Variants in DCLK1 observed in about 807,000 individuals in gnomAD.
DCLK1 encodes serine/threonine-protein kinase DCLK1.
In DCLK1, 16 loss-of-function variants were observed where a neutral mutation model predicts 86.2. The observed-to-expected ratio is 0.19, with a 90% confidence interval of 0.13 to 0.28. The LOEUF (loss-of-function observed/expected upper bound fraction) is 0.28. Among genes scored for constraint, DCLK1 ranks in the 10% least tolerant of loss-of-function variants. The probability of loss-of-function intolerance (pLI) is 1.00; values close to 1 mark genes in which losing one functional copy is unlikely to be tolerated. For synonymous variants in DCLK1, 369 were observed against 370.5 expected, an observed-to-expected ratio of 1.00 and a Z score of 0.05; for missense variants, 590 against 940.2, an observed-to-expected ratio of 0.63 and a Z score of 4.87.
At chr13:35,920,342 G>A (rs913051012) in intron 4 of DCLK1, among the ~76,000 whole-genome samples, 1 of 152,194 alleles carries the variant, frequency 6.6e-6, no homozygotes, top group Non-Finnish European at 1.5e-5. Context: ...TGAAGTGTAT[G>A]ACAATATCCT....
intron 3 of DCLK1, among the ~76,000 whole-genome samples, chr13:36,094,030 A>G (rs1417211559): frequency 6.6e-6 from 1 of 152,194 alleles, no homozygotes; most frequent in Non-Finnish European, 1.5e-5. Context: ...ATGGCACTAC[A>G]GGCACCCAGC....
rs1224309096 is a variant in DCLK1 at position 35,772,680 on chromosome 13, A to G, written c.*1855T>C. ...CGGATGCTCTAAAAGGGGGGGAAAA[A>G]AACCTCAATAAACGATATGCTTTTT... On this transcript the variant is annotated 3_prime_UTR_variant, in exon 17 of 17. Coordinates refer to ENST00000360631, the MANE Select transcript of DCLK1 (RefSeq NM_001330071.2). The G allele has an allele frequency of 6.6e-6, 1 of 152,044 alleles. No homozygotes were observed. Among genetic ancestry groups the G allele is most frequent in the Non-Finnish European group, 1.5e-5 (1 of 68,028 alleles). The allele number at this position is 152,044 out of a possible 1,614,324, so 9.4% of individuals were successfully genotyped here.
chr13:35,841,113 G>T (rs1319917916), intron 6 of DCLK1, among the ~76,000 whole-genome samples: 2 of 152,188 alleles, frequency 1.3e-5, no homozygotes, highest in African/African-American at 4.8e-5. Context: ...AGCACAAATG[G>T]TATTTCATAA....
At chr13:35,788,794 G>A (rs1215364296) in intron 16 of DCLK1, among the ~76,000 whole-genome samples, 2 of 152,128 alleles carry the variant, frequency 1.3e-5, no homozygotes, top group South Asian at 2.1e-4. Flanking sequence ...CAAAAGCAGA[G>A]CTACTCTTAA....
At chr13:35,964,908 C>T (rs759899577) in intron 3 of DCLK1, among the ~76,000 whole-genome samples, 5 of 152,082 alleles carry the variant, frequency 3.3e-5, no homozygotes, top group African/African-American at 4.8e-5. Flanking sequence ...GTTTACATAA[C>T]GTCTATGGCA....
intron 3 of DCLK1, among the ~76,000 whole-genome samples, chr13:35,981,286 T>C (rs1354994808): frequency 6.6e-6 from 1 of 152,186 alleles, no homozygotes; most frequent in Non-Finnish European, 1.5e-5. Flanking sequence ...TTCATTCATT[T>C]TGTAGCATGT....
At chr13:36,118,113 A>G (rs759120189) in intron 2 of DCLK1, among the ~76,000 whole-genome samples, 5 of 152,220 alleles carry the variant, frequency 3.3e-5, no homozygotes, top group Admixed American at 1.3e-4. Context: ...AAATGATTCC[A>G]TAGACAGACG....
intron 3 of DCLK1, among the ~76,000 whole-genome samples, chr13:35,999,554 C>T (rs1880620947): frequency 6.6e-6 from 1 of 152,096 alleles, no homozygotes; most frequent in African/African-American, 2.4e-5. Flanking sequence ...GCACAAAAAC[C>T]CCTTCTACCT....
chr13:35,810,872 G>A lies in DCLK1; in HGVS notation c.1651C>T (p.Pro551Ser). The change falls in exon 12 of 17, where the codon CCA becomes TCA. Residue 551 changes from proline to serine, a missense_variant. Physicochemically the swap from Pro to Ser is moderately conservative, Grantham distance 74 (BLOSUM62 -1). Transcript: ENST00000360631. ...ATGATTTCTGGAGCCACGTATGTTG[G>A]GGTGCCACAGACTGTGTACAGGGGG... is the stretch of plus-strand genomic sequence containing the variant. ...DGPLYTVCGT[P>S]TYVAPEIIAE... 1 of 1,613,990 alleles carries A rather than the reference G, an allele frequency of 6.2e-7. No homozygotes were observed. Among genetic ancestry groups the A allele is most frequent in the Non-Finnish European group, 8.5e-7 (1 of 1,179,952 alleles).
intron 3 of DCLK1, among the ~76,000 whole-genome samples, chr13:35,973,967 C>G (rs1158099971): frequency 3.3e-5 from 5 of 152,094 alleles, no homozygotes; most frequent in Admixed American, 2.6e-4. Flanking sequence ...GAGGGAAGAA[C>G]ATTCTGTAAG....
At position 35,834,218 on chromosome 13, in the gene DCLK1, G is replaced by T. The variant is rs1204403562; in HGVS notation, c.1229+1815C>A. Among the ~76,000 whole-genome samples, 7 of 152,168 alleles carry T rather than the reference G, an allele frequency of 4.6e-5. No homozygotes were observed. In the East Asian group the frequency reaches 1.3e-3, roughly 29 times the overall value. On this transcript the variant is annotated intron_variant, in intron 8 of 16. Coordinates refer to ENST00000360631, the MANE Select transcript of DCLK1 (RefSeq NM_001330071.2). ...AAAGCCAGATTTACTATCAGTAAAA[G>T]CATCAATGAAATATAAAATTATATA... is the stretch of plus-strand genomic sequence containing the variant.
intron 3 of DCLK1, among the ~76,000 whole-genome samples, chr13:35,976,772 G>A (rs1187168082): frequency 2.6e-5 from 4 of 151,376 alleles, no homozygotes; most frequent in Admixed American, 2.0e-4. Context: ...TTGACCTCGT[G>A]ATCCGCCCGC....
intron 3 of DCLK1, among the ~76,000 whole-genome samples, chr13:36,050,423 G>A (rs76106816): frequency 0.023 from 3,483 of 152,138 alleles, 41 homozygotes; most frequent in South Asian, 0.06. Flanking sequence ...TGGTGGACTT[G>A]AACAATAACA....
chr13:36,101,099 C>A (rs774916572), intron 3 of DCLK1, among the ~76,000 whole-genome samples: 5 of 152,196 alleles, frequency 3.3e-5, no homozygotes, highest in Non-Finnish European at 7.3e-5. Flanking sequence ...GACTTCCATT[C>A]ATTCCCACAG....
At chr13:35,827,874 G>C (rs1368522129) in intron 9 of DCLK1, 120 bp from the exon 10 acceptor site, 2 of 1,183,910 alleles carry the variant, frequency 1.7e-6, no homozygotes, top group Non-Finnish European at 2.4e-6. Flanking sequence ...AATGTAATAA[G>C]CCTGTCTTAT....
At chr13:36,078,217 A>G (rs888343248) in intron 3 of DCLK1, among the ~76,000 whole-genome samples, 2 of 152,242 alleles carry the variant, frequency 1.3e-5, no homozygotes, top group Admixed American at 6.5e-5. Context: ...TGAATCTGCC[A>G]GCACCTTGAT....
intron 3 of DCLK1, among the ~76,000 whole-genome samples, chr13:35,958,204 T>TCACTGC (rs1593768435): frequency 3.2e-4 from 2 of 6,244 alleles, no homozygotes; most frequent in African/African-American, 6.2e-4. Flanking sequence ...ACCACCACCA[T>TCACTGC]TATAACCATC....
intron 16 of DCLK1, among the ~76,000 whole-genome samples, chr13:35,785,226 G>A (rs2086599388): frequency 6.6e-6 from 1 of 152,176 alleles, no homozygotes; most frequent in African/African-American, 2.4e-5. Flanking sequence ...TCTTCTCCAT[G>A]TGTTACAGGG....
chr13:35,958,651 C>G (rs1878282093), intron 3 of DCLK1, among the ~76,000 whole-genome samples: 1 of 152,218 alleles, frequency 6.6e-6, no homozygotes, highest in Non-Finnish European at 1.5e-5. Flanking sequence ...GAGCTGAGGA[C>G]AGAGCCTTTT....
Sources: allele counts gnomAD v4.1 joint callset (sites outside exome capture counted in the v4.1 genomes callset), GRCh38; gene constraint gnomAD v4.1.1; transcripts MANE v1.5; gene names NCBI Gene and HGNC (gene_info 2026-07-23, HGNC 2026-07-21).